Variants in NUTM1 observed in about 807,000 individuals in gnomAD.
The protein encoded by NUTM1 is NUT midline carcinoma family member 1.
A neutral mutation model predicts 88.7 loss-of-function variants in NUTM1; 39 were observed. The ratio of observed to expected loss-of-function variants is 0.44; its 90% CI spans 0.34 to 0.57. The LOEUF (loss-of-function observed/expected upper bound fraction) is 0.57. NUTM1 is among the 20% of genes least tolerant of loss of function. NUTM1 has a pLI of 0.01. For synonymous variants in NUTM1, 494 were observed against 538.0 expected, an observed-to-expected ratio of 0.92 and a Z score of 1.13; for missense variants, 1,350 against 1,414.5, an observed-to-expected ratio of 0.95 and a Z score of 0.73.
intron 4 of NUTM1, among the ~76,000 whole-genome samples, chr15:34,353,020 G>C (rs1411437537): frequency 6.6e-6 from 1 of 150,386 alleles, no homozygotes; most frequent in Non-Finnish European, 1.5e-5. Context: ...CGAGTAGCTG[G>C]GATTACAGGC....
intron 1 of NUTM1, 152 bp from the exon 2 acceptor site, chr15:34,345,790 A>G: frequency 2.7e-6 from 3 of 1,099,790 alleles, no homozygotes; most frequent in South Asian, 3.5e-5. Flanking sequence ...CATACTTACT[A>G]GAACCCTTCA....
At position 34,356,931 on chromosome 15, in the gene NUTM1, G is replaced by A. The variant is rs866433247; in HGVS notation, c.2923G>A (p.Ala975Thr). The change falls in exon 8 of 8, where the codon GCT (alanine) becomes ACT (threonine). Residue 975 changes from alanine to threonine, a missense_variant. Physicochemically the swap from Ala to Thr is moderately conservative, Grantham distance 58 (BLOSUM62 0). Around this residue, in one of 5 missense-constraint regions of NUTM1, gnomAD observed 730 missense variants for 728.8 expected, o/e 1.00. Transcript: ENST00000537011. ...DPDLSKPKNL[A>T]PLQESQESYT... The stretch of plus-strand genomic sequence containing the variant: ...TGATCTGTCCAAGCCTAAAAACCTT[G>A]CTCCTTTACAAGAGAGTCAGGAGTC... The A allele has an allele frequency of 8.7e-6, 14 of 1,613,628 alleles. No individual in the cohort carries two copies. The African/African-American group carries it at 1.9e-4, about 22-fold the overall frequency.
intron 4 of NUTM1, among the ~76,000 whole-genome samples, chr15:34,351,398 AAAG>A (rs1000906218): frequency 1.2e-3 from 175 of 151,474 alleles, no homozygotes; most frequent in Non-Finnish European, 2.4e-3. Flanking sequence ...AAAAAAAAGA[AAAG>A]AAAAGAAAAA....
intron 4 of NUTM1, 70 bp downstream of exon 4, chr15:34,350,902 A>T (rs347796): frequency 2.6e-5 from 41 of 1,582,964 alleles, no homozygotes; most frequent in Non-Finnish European, 3.4e-5. Flanking sequence ...CCGCAGAGAG[A>T]CTTGTGTGGG....
At chr15:34,354,771 T>A (rs1479382602) in intron 6 of NUTM1, 39 bp downstream of exon 6, 5 of 1,604,382 alleles carry the variant, frequency 3.1e-6, no homozygotes, top group Non-Finnish European at 4.3e-6. Context: ...AGCAGATCCT[T>A]GGGGTGGGTA....
chr15:34,349,979 C>T (rs1890676891), intron 3 of NUTM1, among the ~76,000 whole-genome samples: 1 of 152,186 alleles, frequency 6.6e-6, no homozygotes, highest in African/African-American at 2.4e-5. Flanking sequence ...GTCCAGACCA[C>T]TGCAACATGG....
intron 5 of NUTM1, 115 bp downstream of exon 5, chr15:34,353,987 A>T: frequency 8.2e-7 from 1 of 1,221,574 alleles, no homozygotes; most frequent in Non-Finnish European, 1.1e-6. Flanking sequence ...TTCCCTCTGG[A>T]GAGTGGCATT....
Position 34,347,680 on chromosome 15 carries a change from C to T in NUTM1, c.101-289C>T, listed in dbSNP as rs567183839. On this transcript the variant is annotated intron_variant, in intron 2 of 7. Coordinates refer to ENST00000537011, the MANE Select transcript of NUTM1 (RefSeq NM_001284292.2). ...CAACCTGGCTAACACGGTGAAACCC[C>T]GTCTCTATTAAAAATACAAAAAGTT... 2.0e-3 allele frequency among the ~76,000 whole-genome samples: 304 copies of T among 152,118 alleles called. 1 individual carries two copies. The highest frequency in any genetic ancestry group is 7.1e-3 in the African/African-American group (296 of 41,520).
chr15:34,355,748 G>C lies in NUTM1; in HGVS notation c.1740G>C (p.Arg580Ser). 1 of 1,614,164 alleles carries C rather than the reference G, an allele frequency of 6.2e-7. No individual in the cohort carries two copies. The highest frequency in any genetic ancestry group is 2.2e-5 in the East Asian group (1 of 44,882). Residue 580 changes from arginine to serine, a missense_variant, in exon 8 of 8, where the codon AGG becomes AGC. This residue lies in a region of NUTM1 where 730 missense variants were observed against 728.8 expected (regional missense o/e 1.00). Coordinates refer to ENST00000537011, the MANE Select transcript of NUTM1 (RefSeq NM_001284292.2). This position sits in a 1 kb window ranked among gnomAD's most constrained non-coding sequence, Gnocchi z 4.3. ...QALDSPRGMH[R>S]DGNTLPSPSS... is the part of the protein sequence containing the mutation. ...TAGATAGCCCCAGAGGGATGCACAGGGATGGGAACACTCTGCCATCCCCCA... is the reference window on the plus strand; with the variant it reads ...TAGATAGCCCCAGAGGGATGCACAGCGATGGGAACACTCTGCCATCCCCCA...
At position 34,357,145 on chromosome 15, in the gene NUTM1, C is replaced by T; in HGVS notation, c.3137C>T (p.Ser1046Phe). The T allele has an allele frequency of 1.2e-6, 2 of 1,614,170 alleles. No homozygotes were observed. The highest frequency in any genetic ancestry group is 1.3e-5 in the African/African-American group (1 of 75,042). Residue 1046 changes from serine to phenylalanine, a missense_variant, in exon 8 of 8, where the codon TCC (serine) becomes TTC (phenylalanine). Ser to Phe is a radical substitution (Grantham distance 155). This residue lies in a region of NUTM1 where 730 missense variants were observed against 728.8 expected (regional missense o/e 1.00). Transcript: ENST00000537011. ...GCAGAGGAAGAGGATGAGGAACTCTCCAACTTTGCTTACCTCTTGGCCTCT... is the reference window on the plus strand; with the variant it reads ...GCAGAGGAAGAGGATGAGGAACTCTTCAACTTTGCTTACCTCTTGGCCTCT... ...KEAEEEDEEL[S>F]NFAYLLASKL...
chr15:34,353,878 G>C lies in NUTM1; in HGVS notation c.1075+6G>C. 6.2e-7 allele frequency: 1 copy of C among 1,613,046 alleles called. No individual in the cohort carries two copies. Among genetic ancestry groups the C allele is most frequent in the South Asian group, 1.1e-5 (1 of 91,036 alleles). On this transcript the variant is annotated splice_donor_region_variant and intron_variant, in intron 5 of 7. Transcript: ENST00000537011. ...TGAGGTTTGCCAGCAGCCAGGTGAG[G>C]CTACCCAATTTTGACAGGAGCCGTG...
chr15:34,344,204 T>C (rs1890540013), intron 1 of NUTM1, among the ~76,000 whole-genome samples: 1 of 129,756 alleles, frequency 7.7e-6, no homozygotes, highest in Non-Finnish European at 1.6e-5. Context: ...CCTGGGTCCG[T>C]CTTAAAGAAA....
At position 34,356,492 on chromosome 15, in the gene NUTM1, A is replaced by G. The variant is rs1180204249; in HGVS notation, c.2484A>G (p.Arg828=). ...GTVAAAALEK[R]NYCSLPGPLR... is the part of the protein sequence containing the mutation. ...TTGCGGCAGCTGCCCTAGAAAAGAG[A>G]AACTATTGCAGCTTGCCAGGACCTT... Residue 828 remains arginine, a synonymous_variant, in exon 8 of 8, where the codon AGA becomes AGG. Transcript: ENST00000537011. The G allele has an allele frequency of 2.5e-6, 4 of 1,613,744 alleles. No homozygotes were observed. In the African/African-American group the frequency reaches 5.3e-5, roughly 22 times the overall value.
intron 5 of NUTM1, 94 bp downstream of exon 5, chr15:34,353,966 G>T: frequency 7.2e-7 from 1 of 1,397,702 alleles, no homozygotes; most frequent in South Asian, 1.3e-5. Flanking sequence ...CATAGCCCAG[G>T]CTCTGCCACT....
chr15:34,351,227 CAAAAAAAAAAAAAAAAAAAAAAAAA>C (rs397853945), intron 4 of NUTM1, among the ~76,000 whole-genome samples: 9 of 34,482 alleles, frequency 2.6e-4, no homozygotes, highest in Admixed American at 1.1e-3. Context: ...GACTCCATCT[CAAAAAAAAAAAAAAAAAAAAAAAAA>C]AAAAAAAAAA....
Position 34,350,859 on chromosome 15 carries a change from T to C in NUTM1, c.938+27T>C, listed in dbSNP as rs1227000005. The C allele has an allele frequency of 1.9e-6, 3 of 1,613,206 alleles. No individual in the cohort carries two copies. In the African/African-American group the frequency reaches 4.0e-5, roughly 22 times the overall value. On this transcript the variant is annotated intron_variant, in intron 4 of 7. Transcript: ENST00000537011. ...TGAGTTCGATGAACCTTCATTCTCCTGAGGGAGGCTGTGTGGCTGAGAGCA... is the reference window on the plus strand; with the variant it reads ...TGAGTTCGATGAACCTTCATTCTCCCGAGGGAGGCTGTGTGGCTGAGAGCA...
chr15:34,354,383 G>A (rs1250170621), intron 5 of NUTM1, 63 bp from the exon 6 acceptor site: 14 of 1,532,542 alleles, frequency 9.1e-6, no homozygotes, highest in African/African-American at 2.8e-5. Context: ...TGTACATTCC[G>A]AAGGAGGCAG....
chr15:34,357,177 A>T lies in NUTM1; in HGVS notation c.3169A>T (p.Ser1057Cys), dbSNP rs1486816832. The T allele has an allele frequency of 6.2e-7, 1 of 1,614,180 alleles. No homozygotes were observed. Among genetic ancestry groups the T allele is most frequent in the Middle Eastern group, 1.6e-4 (1 of 6,062 alleles). Residue 1057 changes from serine (S) to cysteine (C), a missense_variant, in exon 8 of 8, where the codon AGC becomes TGC. Transcript: ENST00000537011. ...NFAYLLASKL[S>C]LSPREHPLSP... ...TGCTTACCTCTTGGCCTCTAAACTT[A>T]GCCTCTCACCAAGGGAGCATCCCCT...
intron 1 of NUTM1, among the ~76,000 whole-genome samples, chr15:34,345,016 T>TA (rs11461274): frequency 0.14 from 21,446 of 149,800 alleles, 1,629 homozygotes; most frequent in East Asian, 0.33. Context: ...AGACTCTGTT[T>TA]AAAAAAAAAA....
Sources: gnomAD v4.1 joint callset for allele counts (sites outside exome capture counted in the v4.1 genomes callset) on GRCh38, gnomAD v4.1.1 for gene constraint, gnomAD v4.1.1 regional missense constraint, Gnocchi (gnomAD v3.1) non-coding constraint, MANE v1.5 for transcripts, NCBI Gene and HGNC (gene_info 2026-07-23, HGNC 2026-07-21) for gene names.